Variants in CAMK1D observed in about 807,000 individuals in gnomAD.
CAMK1D encodes calcium/calmodulin dependent protein kinase ID.
A neutral mutation model predicts 47.7 loss-of-function variants in CAMK1D; 9 were observed. The observed-to-expected ratio is 0.19, with a 90% CI of 0.11 to 0.33. The LOEUF is 0.33. Ranked by LOEUF, CAMK1D falls within the 10% of genes least tolerant of loss-of-function variation. The pLI is 1.00. For synonymous variants in CAMK1D, 184 were observed against 184.9 expected, an observed-to-expected ratio of 0.99 and a Z score of 0.04; for missense variants, 291 against 488.7, an observed-to-expected ratio of 0.60 and a Z score of 3.81.
chr10:12,500,092 C>G (rs1260524551), intron 1 of CAMK1D, among the ~76,000 whole-genome samples: 2 of 152,128 alleles, frequency 1.3e-5, no homozygotes, highest in African/African-American at 2.4e-5. Flanking sequence ...ATGCTGAAAC[C>G]CTGTCTCTAC....
At chr10:12,766,213 C>T (rs1170979008) in intron 4 of CAMK1D, among the ~76,000 whole-genome samples, 1 of 152,034 alleles carries the variant, frequency 6.6e-6, no homozygotes, top group South Asian at 2.1e-4. Context: ...GATCCGCCTG[C>T]CTCAGCCTCC....
chr10:12,557,212 T>C (rs1298020024), intron 2 of CAMK1D, among the ~76,000 whole-genome samples: 3 of 152,152 alleles, frequency 2.0e-5, no homozygotes, highest in African/African-American at 7.2e-5. Flanking sequence ...CAGATTGTGA[T>C]CTGGACTTGC....
At chr10:12,396,932 T>C (rs1838983551) in intron 1 of CAMK1D, among the ~76,000 whole-genome samples, 1 of 152,202 alleles carries the variant, frequency 6.6e-6, no homozygotes, top group Non-Finnish European at 1.5e-5. Context: ...ACCATCTCTG[T>C]GTTTGGCCCA....
chr10:12,595,651 T>C (rs1204123682), intron 2 of CAMK1D, among the ~76,000 whole-genome samples: 1 of 152,148 alleles, frequency 6.6e-6, no homozygotes, highest in East Asian at 1.9e-4. Context: ...TTCTGTCCCC[T>C]ACCCCTTGAC....
intron 1 of CAMK1D, among the ~76,000 whole-genome samples, chr10:12,421,590 A>G (rs1301812510): frequency 8.1e-6 from 1 of 124,178 alleles, no homozygotes; most frequent in Non-Finnish European, 1.6e-5. Flanking sequence ...CAGTGGTGCA[A>G]TCTGGACTCA....
intron 2 of CAMK1D, among the ~76,000 whole-genome samples, chr10:12,649,738 C>CTCTGAAG (rs1839909162): frequency 6.6e-6 from 1 of 152,178 alleles, no homozygotes; most frequent in Non-Finnish European, 1.5e-5. Context: ...TTGCCATCAT[C>CTCTGAAG]ACCTCTGAAG....
chr10:12,471,648 A>T (rs1427686183), intron 1 of CAMK1D, among the ~76,000 whole-genome samples: 1 of 152,130 alleles, frequency 6.6e-6, no homozygotes, highest in Non-Finnish European at 1.5e-5. Flanking sequence ...CTGGTTCTCC[A>T]CTGAGCTCCC....
intron 1 of CAMK1D, among the ~76,000 whole-genome samples, chr10:12,503,220 A>G (rs1834761553): frequency 6.6e-6 from 1 of 152,178 alleles, no homozygotes; most frequent in African/African-American, 2.4e-5. Flanking sequence ...GGGTAGACGT[A>G]TAAGTCTGTG....
rs576186744 is a variant in CAMK1D at position 12,652,058 on chromosome 10, C to T, written c.225-14678C>T. On this transcript the variant is annotated intron_variant, in intron 2 of 10. Coordinates refer to ENST00000619168, the MANE Select transcript of CAMK1D (RefSeq NM_153498.4). ...CCTCCCAAAGTGCTGGGATTACAGG[C>T]GTGACCACCGCGCCCGGCCGGAAAT... Among the ~76,000 whole-genome samples the T allele has an allele frequency of 1.1e-4, 16 of 151,888 alleles. No homozygotes were observed. In the South Asian group the frequency reaches 1.2e-3, roughly 12 times the overall value.
At chr10:12,449,471 G>C (rs547385721) in intron 1 of CAMK1D, among the ~76,000 whole-genome samples, 34 of 152,062 alleles carry the variant, frequency 2.2e-4, no homozygotes, top group Non-Finnish European at 3.5e-4. Flanking sequence ...TTTGCTAAGA[G>C]AGTAGATCTC....
intron 2 of CAMK1D, among the ~76,000 whole-genome samples, chr10:12,556,797 T>C (rs1285411639): frequency 6.6e-6 from 1 of 152,194 alleles, no homozygotes; most frequent in African/African-American, 2.4e-5. Context: ...TTTTGAAGAT[T>C]GTTGCGGCAG....
chr10:12,498,924 G>A (rs1299830981), intron 1 of CAMK1D, among the ~76,000 whole-genome samples: 1 of 152,160 alleles, frequency 6.6e-6, no homozygotes, highest in African/African-American at 2.4e-5. Flanking sequence ...TTCTTCCATA[G>A]AATGTCATCT....
chr10:12,403,385 G>A (rs751142792), intron 1 of CAMK1D, among the ~76,000 whole-genome samples: 28 of 152,176 alleles, frequency 1.8e-4, no homozygotes, highest in African/African-American at 5.1e-4. Context: ...TCCTCGCTCC[G>A]TGCCCACCTG....
At chr10:12,512,779 T>A (rs1232433682) in intron 1 of CAMK1D, among the ~76,000 whole-genome samples, 1 of 151,942 alleles carries the variant, frequency 6.6e-6, no homozygotes, top group Non-Finnish European at 1.5e-5. Flanking sequence ...CTGGTACGAG[T>A]GTTTGCTTAT....
intron 1 of CAMK1D, among the ~76,000 whole-genome samples, chr10:12,356,259 A>G (rs1255288009): frequency 2.0e-5 from 3 of 152,072 alleles, no homozygotes; most frequent in African/African-American, 7.2e-5. Context: ...TTGCTGGTGG[A>G]CTGGATGTGG....
At chr10:12,789,503 G>A (rs771791470) in intron 5 of CAMK1D, among the ~76,000 whole-genome samples, 10 of 152,186 alleles carry the variant, frequency 6.6e-5, no homozygotes, top group Non-Finnish European at 1.3e-4. Flanking sequence ...TCACCTATCA[G>A]GTGCACTTCA....
Position 12,545,787 on chromosome 10 carries a change from G to A in CAMK1D, c.93-7438G>A, listed in dbSNP as rs557315700. On this transcript the variant is annotated intron_variant, in intron 1 of 10. Transcript: ENST00000619168. ...TGCACTCCAGCCCGGGTGACAGAGC[G>A]AGACTCCGTCTCAAAAAAGAAAAAG... 1.1e-4 allele frequency among the ~76,000 whole-genome samples: 16 copies of A among 151,928 alleles called. No homozygotes were observed. The South Asian group carries it at 2.9e-3, about 28-fold the overall frequency.
intron 1 of CAMK1D, among the ~76,000 whole-genome samples, chr10:12,527,752 T>G (rs1835674505): frequency 6.6e-6 from 1 of 152,224 alleles, no homozygotes; most frequent in Admixed American, 6.5e-5. Context: ...GGATACTTCT[T>G]CAACTTTCGA....
Position 12,731,251 on chromosome 10 carries a change from T to A in CAMK1D, c.300-29697T>A, listed in dbSNP as rs1834867384. Among the ~76,000 whole-genome samples, 4 of 152,154 alleles carry A rather than the reference T, an allele frequency of 2.6e-5. No individual in the cohort carries two copies. The South Asian group carries it at 8.3e-4, about 32-fold the overall frequency. The stretch of plus-strand genomic sequence containing the variant: ...AGATTGGCTGTAGAAGGATCGTGCG[T>A]CCTCTATGAAGGGAGAGAATGTGGA... On this transcript the variant is annotated intron_variant, in intron 3 of 10. Transcript: ENST00000619168.
Sources: gnomAD v4.1 joint callset for allele counts (sites outside exome capture counted in the v4.1 genomes callset) on GRCh38, gnomAD v4.1.1 for gene constraint, MANE v1.5 for transcripts, NCBI Gene and HGNC (gene_info 2026-07-23, HGNC 2026-07-21) for gene names.